Variants in CADPS2 observed in about 807,000 individuals in gnomAD.
CADPS2 encodes the protein calcium-dependent secretion activator 2.
Under a neutral mutation model 172.5 loss-of-function variants are expected in CADPS2, and 93 were observed. The ratio of observed to expected loss-of-function variants is 0.54; its 90% CI spans 0.46 to 0.64. CADPS2 has a LOEUF of 0.64. Among genes scored for constraint, CADPS2 ranks in the 30% least tolerant of loss-of-function variants. The pLI, the probability that CADPS2 is intolerant of heterozygous loss-of-function variation, is 0.00. For missense variants in CADPS2, 1,420 were observed against 1,565.9 expected (o/e 0.91, Z 1.57); for synonymous variants, 546 against 555.2 (o/e 0.98, Z 0.23).
At chr7:122,836,967 G>A (rs530197612) in intron 1 of CADPS2, among the ~76,000 whole-genome samples, 6 of 152,112 alleles carry the variant, frequency 3.9e-5, no homozygotes, top group Admixed American at 1.3e-4. Flanking sequence ...CAAATCAACA[G>A]AATATACATT....
chr7:122,508,172 C>T (rs981287831), intron 9 of CADPS2, among the ~76,000 whole-genome samples: 2 of 151,682 alleles, frequency 1.3e-5, no homozygotes, highest in Admixed American at 6.6e-5. Flanking sequence ...TCTTGTAGAA[C>T]AATTTTCAAA....
intron 9 of CADPS2, among the ~76,000 whole-genome samples, chr7:122,505,381 T>C (rs2059537380): frequency 6.6e-6 from 1 of 152,114 alleles, no homozygotes; most frequent in Non-Finnish European, 1.5e-5. Context: ...GCTAGAGATA[T>C]AAAATTTTAA....
intron 2 of CADPS2, among the ~76,000 whole-genome samples, chr7:122,675,225 G>T (rs758005791): frequency 6.6e-6 from 1 of 152,120 alleles, no homozygotes; most frequent in Non-Finnish European, 1.5e-5. Flanking sequence ...CACACAAAAC[G>T]GAGTCCTCTG....
At chr7:122,396,099 T>G (rs1394633514) in intron 20 of CADPS2, among the ~76,000 whole-genome samples, 2 of 152,094 alleles carry the variant, frequency 1.3e-5, no homozygotes, top group Admixed American at 6.5e-5. Flanking sequence ...TGTGAGCTAC[T>G]GCGCCTGGCT....
chr7:122,450,521 C>CTTTT lies in CADPS2; in HGVS notation c.2288+849_2288+852dup, dbSNP rs11422329. ...TGAAATGTTTCTTAGTATTGGTGGC[C>CTTTT]TTTTTTTTTTTTTTTTTTTTTTTTT... On this transcript the variant is annotated intron_variant, in intron 15 of 29. Transcript: ENST00000449022. 8.6e-4 allele frequency among the ~76,000 whole-genome samples: 68 copies of CTTTT among 79,140 alleles called. 7 individuals are homozygous for CTTTT. The highest frequency in any genetic ancestry group is 2.3e-3 in the African/African-American group (49 of 21,398). The allele number at this position is 79,140 out of a possible 152,430, so 51.9% of individuals were successfully genotyped here.
At chr7:122,820,928 GC>G (rs374601386) in intron 1 of CADPS2, among the ~76,000 whole-genome samples, 22,777 of 140,590 alleles carry the variant, frequency 0.16, 1,580 homozygotes, top group Middle Eastern at 0.24. Context: ...ACTTTTAGAG[GC>G]CCTCAAAATC....
intron 1 of CADPS2, among the ~76,000 whole-genome samples, chr7:122,865,000 T>C (rs1817918366): frequency 6.6e-6 from 1 of 152,060 alleles, no homozygotes; most frequent in African/African-American, 2.4e-5. Flanking sequence ...TTGATCCCAA[T>C]GTTGGAAGTA....
intron 1 of CADPS2, among the ~76,000 whole-genome samples, chr7:122,778,193 G>T (rs1473421971): frequency 6.6e-6 from 1 of 152,086 alleles, no homozygotes; most frequent in East Asian, 1.9e-4. Context: ...CTGGAGTAAA[G>T]GTCACTCTTA....
At chr7:122,411,467 G>A (rs996964800) in intron 19 of CADPS2, among the ~76,000 whole-genome samples, 5 of 151,828 alleles carry the variant, frequency 3.3e-5, no homozygotes, top group Admixed American at 6.6e-5. Context: ...TAATCCACCC[G>A]CCTCAGCCTC....
chr7:122,753,013 G>C (rs1470882742), intron 1 of CADPS2, among the ~76,000 whole-genome samples: 1 of 152,126 alleles, frequency 6.6e-6, no homozygotes, highest in Non-Finnish European at 1.5e-5. Context: ...TCTCCAAAGG[G>C]AGACACCCCA....
intron 6 of CADPS2, among the ~76,000 whole-genome samples, chr7:122,594,572 C>T (rs1164397142): frequency 6.6e-6 from 1 of 151,908 alleles, no homozygotes; most frequent in Admixed American, 6.6e-5. Flanking sequence ...ACCACCACAT[C>T]CAGAGTAGAA....
chr7:122,438,124 G>A (rs1032800806), intron 17 of CADPS2, among the ~76,000 whole-genome samples: 4 of 152,038 alleles, frequency 2.6e-5, no homozygotes, highest in Non-Finnish European at 4.4e-5. Context: ...ACTTAAGCAC[G>A]AATCCTGGGT....
intron 1 of CADPS2, among the ~76,000 whole-genome samples, chr7:122,862,422 C>T (rs779959728): frequency 1.3e-5 from 2 of 152,172 alleles, no homozygotes; most frequent in Non-Finnish European, 2.9e-5. Flanking sequence ...GGAGATTTAT[C>T]CCTAGCCTCC....
At chr7:122,857,214 C>T (rs991740537) in intron 1 of CADPS2, among the ~76,000 whole-genome samples, 3 of 152,150 alleles carry the variant, frequency 2.0e-5, no homozygotes, top group Non-Finnish European at 4.4e-5. Flanking sequence ...TAAGGATGAA[C>T]TGCTCAGCAC....
chr7:122,701,978 C>T, intron 2 of CADPS2: 1 of 1,613,686 alleles, frequency 6.2e-7, no homozygotes, highest in South Asian at 1.1e-5. Context: ...GCAAACAACA[C>T]AGTTGTCTTC....
At chr7:122,341,429 A>G (rs1005439295) in intron 28 of CADPS2, among the ~76,000 whole-genome samples, 2 of 152,210 alleles carry the variant, frequency 1.3e-5, no homozygotes, top group Non-Finnish European at 2.9e-5. Context: ...AATCATCTGG[A>G]GTTCCAGACC....
rs1160852013 is a variant in CADPS2 at position 122,717,971 on chromosome 7, C to T, written c.453+18984G>A. 2.8e-5 allele frequency among the ~76,000 whole-genome samples: 4 copies of T among 143,036 alleles called. No homozygotes were observed. In the East Asian group the frequency reaches 6.3e-4, roughly 23 times the overall value. The allele number at this position is 143,036 out of a possible 152,430, so 93.8% of individuals were successfully genotyped here. ...CTATATAGGTGCATTCCACCACACT[C>T]GGCTAATTTTTTTTTTTTTTTTTTT... On this transcript the variant is annotated intron_variant, in intron 2 of 29. Transcript: ENST00000449022.
chr7:122,590,538 G>A (rs937167627), intron 6 of CADPS2, among the ~76,000 whole-genome samples: 2 of 151,786 alleles, frequency 1.3e-5, no homozygotes, highest in African/African-American at 2.4e-5. Flanking sequence ...GGACTGTAAG[G>A]TTGTTTCCAG....
intron 28 of CADPS2, among the ~76,000 whole-genome samples, chr7:122,335,702 A>G (rs550890920): frequency 1.3e-5 from 2 of 152,324 alleles, no homozygotes; most frequent in East Asian, 1.9e-4. Flanking sequence ...AACCCTAAGC[A>G]TGACAGAGAA....
Sources: allele counts gnomAD v4.1 joint callset (sites outside exome capture counted in the v4.1 genomes callset), GRCh38; gene constraint gnomAD v4.1.1; transcripts MANE v1.5; gene names NCBI Gene and HGNC (gene_info 2026-07-23, HGNC 2026-07-21).